Variants in MACROD2 observed in about 807,000 individuals in gnomAD.
MACROD2 encodes the protein ADP-ribose glycohydrolase MACROD2.
A neutral mutation model predicts 70.4 loss-of-function variants in MACROD2; 36 were observed. That is an observed-to-expected ratio of 0.51 (90% CI 0.39 to 0.68). The LOEUF is 0.68. Ranked by LOEUF, MACROD2 falls within the 30% of genes least tolerant of loss-of-function variation. The probability of loss-of-function intolerance (pLI) is 0.00; values close to 1 mark genes in which losing one functional copy is unlikely to be tolerated. For synonymous variants in MACROD2, 172 were observed against 178.8 expected (o/e 0.96, Z 0.30); for missense variants, 496 against 538.4 (o/e 0.92, Z 0.78).
At chr20:15,760,189 GTC>G (rs1306815586) in intron 8 of MACROD2, among the ~76,000 whole-genome samples, 1 of 152,218 alleles carries the variant, frequency 6.6e-6, no homozygotes, top group Non-Finnish European at 1.5e-5. Flanking sequence ...CGTGAGGAGT[GTC>G]TCGGCTTCAC....
intron 5 of MACROD2, among the ~76,000 whole-genome samples, chr20:14,738,688 T>C (rs955641578): frequency 2.0e-5 from 3 of 151,798 alleles, no homozygotes; most frequent in African/African-American, 7.2e-5. Context: ...TATGTATATG[T>C]ATATATTAAC....
intron 8 of MACROD2, among the ~76,000 whole-genome samples, chr20:15,548,184 G>T (rs975354730): frequency 1.3e-5 from 2 of 152,052 alleles, no homozygotes; most frequent in African/African-American, 4.8e-5. Context: ...TTTACCTTGT[G>T]ATCTGATTAT....
chr20:14,641,097 T>A (rs2123491058), intron 4 of MACROD2, among the ~76,000 whole-genome samples: 4 of 152,336 alleles, frequency 2.6e-5, no homozygotes. Context: ...TCAACTAAGT[T>A]TATGTAATAT....
At chr20:14,517,357 C>T (rs2085113146) in intron 4 of MACROD2, among the ~76,000 whole-genome samples, 1 of 152,090 alleles carries the variant, frequency 6.6e-6, no homozygotes, top group Admixed American at 6.6e-5. Context: ...ACTGTGCAGC[C>T]ATAAAAAGGA....
intron 5 of MACROD2, among the ~76,000 whole-genome samples, chr20:14,867,090 G>GT (rs1389530320): frequency 6.6e-6 from 1 of 152,086 alleles, no homozygotes; most frequent in African/African-American, 2.4e-5. Context: ...CTCAAGGATC[G>GT]TGTTTAGGTG....
chr20:14,625,594 G>C (rs1451674659), intron 4 of MACROD2, among the ~76,000 whole-genome samples: 2 of 152,160 alleles, frequency 1.3e-5, no homozygotes, highest in African/African-American at 4.8e-5. Context: ...GGGCCATATG[G>C]CATGTATTCC....
intron 4 of MACROD2, among the ~76,000 whole-genome samples, chr20:14,553,307 T>G (rs1978788879): frequency 6.6e-6 from 1 of 151,910 alleles, no homozygotes; most frequent in Non-Finnish European, 1.5e-5. Flanking sequence ...GTGGAATGTC[T>G]TCAGGGCCAA....
chr20:15,245,945 A>C (rs904814111), intron 6 of MACROD2, among the ~76,000 whole-genome samples: 1 of 152,214 alleles, frequency 6.6e-6, no homozygotes, highest in Non-Finnish European at 1.5e-5. Flanking sequence ...ACAAATTAAG[A>C]AGCATTTTTA....
chr20:15,436,668 G>A (rs1193401589), intron 7 of MACROD2, among the ~76,000 whole-genome samples: 1 of 152,060 alleles, frequency 6.6e-6, no homozygotes, highest in Non-Finnish European at 1.5e-5. Flanking sequence ...TAGTTTTCTT[G>A]CTCTTATTTG....
chr20:15,354,541 A>T (rs911234369), intron 6 of MACROD2, among the ~76,000 whole-genome samples: 1 of 152,192 alleles, frequency 6.6e-6, no homozygotes, highest in Admixed American at 6.5e-5. Flanking sequence ...TTGTAATATG[A>T]CACTATTCTT....
At chr20:14,150,494 C>T (rs1352331192) in intron 3 of MACROD2, among the ~76,000 whole-genome samples, 1 of 152,150 alleles carries the variant, frequency 6.6e-6, no homozygotes, top group Non-Finnish European at 1.5e-5. Flanking sequence ...TATTATCTTT[C>T]TTCTAAATGC....
intron 3 of MACROD2, among the ~76,000 whole-genome samples, chr20:14,227,915 C>T (rs990744815): frequency 3.3e-5 from 5 of 152,120 alleles, no homozygotes; most frequent in African/African-American, 1.2e-4. Context: ...GCTGTTCAGT[C>T]TCTCTTTGTC....
In MACROD2 at chr20:15,937,681, CTA is replaced by C. The variant is rs1401156087; in HGVS notation, c.907+138_907+139del. On this transcript the variant is annotated intron_variant, in intron 12 of 17. Transcript: ENST00000684519. The stretch of plus-strand genomic sequence containing the variant: ...GTGTCTCTGTTTCCAATATAATTGA[CTA>C]CACCACCTACTCTCTTTTATTGCAT... 3 of 631,840 alleles carry C rather than the reference CTA, an allele frequency of 4.7e-6. No homozygotes were observed. In the African/African-American group the frequency reaches 5.5e-5, roughly 12 times the overall value. The allele number at this position is 631,840 out of a possible 1,614,324, so 39.1% of individuals were successfully genotyped here.
At chr20:15,620,008 T>TGAGGCA (rs2049102155) in intron 8 of MACROD2, among the ~76,000 whole-genome samples, 1 of 152,082 alleles carries the variant, frequency 6.6e-6, no homozygotes, top group African/African-American at 2.4e-5. Flanking sequence ...TCCAGATAGC[T>TGAGGCA]GAGGCAGAGG....
chr20:14,591,445 T>C (rs778240678), intron 4 of MACROD2, among the ~76,000 whole-genome samples: 27 of 152,206 alleles, frequency 1.8e-4, no homozygotes, highest in Non-Finnish European at 3.1e-4. Flanking sequence ...CCTGTAAATA[T>C]ATCTCATAGC....
At chr20:16,004,206 G>A (rs1027994918) in intron 15 of MACROD2, among the ~76,000 whole-genome samples, 14 of 152,074 alleles carry the variant, frequency 9.2e-5, no homozygotes, top group African/African-American at 1.4e-4. Context: ...ACAGTATGTC[G>A]GAGATCAGCC....
chr20:15,386,310 C>T (rs1357251593), intron 6 of MACROD2, among the ~76,000 whole-genome samples: 4 of 152,148 alleles, frequency 2.6e-5, no homozygotes, highest in Admixed American at 2.6e-4. Flanking sequence ...TCGTTTTCGT[C>T]TATATTCATA....
At chr20:15,882,989 G>A (rs1210913602) in intron 9 of MACROD2, among the ~76,000 whole-genome samples, 3 of 151,396 alleles carry the variant, frequency 2.0e-5, no homozygotes, top group Non-Finnish European at 4.4e-5. Flanking sequence ...ATGTTGGAAT[G>A]TATTTGCATG....
chr20:14,928,019 G>A (rs1324346184), intron 5 of MACROD2, among the ~76,000 whole-genome samples: 2 of 152,230 alleles, frequency 1.3e-5, no homozygotes, highest in Non-Finnish European at 1.5e-5. Context: ...TTAGGATGAT[G>A]TGCTGCATTT....
Sources: gnomAD v4.1 joint callset for allele counts (sites outside exome capture counted in the v4.1 genomes callset) on GRCh38, gnomAD v4.1.1 for gene constraint, MANE v1.5 for transcripts, NCBI Gene and HGNC (gene_info 2026-07-23, HGNC 2026-07-21) for gene names.